Variants in CEP112 observed in about 807,000 individuals in gnomAD.
The protein encoded by CEP112 is centrosomal protein of 112 kDa.
Under a neutral mutation model 153.0 loss-of-function variants are expected in CEP112, and 127 were observed. The observed-to-expected ratio is 0.83, with a 90% CI of 0.72 to 0.96. The LOEUF (loss-of-function observed/expected upper bound fraction) is 0.96. CEP112 is among the 40% of genes least tolerant of loss of function. The pLI is 0.00. For synonymous variants in CEP112, 358 were observed against 374.4 expected, an observed-to-expected ratio of 0.96 and a Z score of 0.51; for missense variants, 1,089 against 1,101.2, an observed-to-expected ratio of 0.99 and a Z score of 0.16.
intron 19 of CEP112, among the ~76,000 whole-genome samples, chr17:65,911,571 G>C (rs1455522200): frequency 6.6e-6 from 1 of 151,982 alleles, no homozygotes; most frequent in East Asian, 1.9e-4. Flanking sequence ...GCTCACCCCT[G>C]TTATCTCAAC....
chr17:65,911,480 A>T (rs755960356), intron 19 of CEP112, among the ~76,000 whole-genome samples: 2 of 152,144 alleles, frequency 1.3e-5, no homozygotes, highest in Non-Finnish European at 2.9e-5. Flanking sequence ...AATTTCTAAC[A>T]TTCTAAAAAT....
At chr17:65,902,433 A>G in intron 19 of CEP112, 99 bp from the exon 20 acceptor site, 1 of 993,732 alleles carries the variant, frequency 1.0e-6, no homozygotes, top group Non-Finnish European at 1.4e-6. Context: ...TCCAAGTTGA[A>G]AATTTTTATT....
At chr17:65,842,574 C>A (rs1259944065) in intron 21 of CEP112, among the ~76,000 whole-genome samples, 1 of 152,128 alleles carries the variant, frequency 6.6e-6, no homozygotes, top group Non-Finnish European at 1.5e-5. Context: ...GGATGATAGA[C>A]CTTTGAACAT....
At chr17:66,010,642 A>C (rs1235457168) in intron 16 of CEP112, among the ~76,000 whole-genome samples, 1 of 152,078 alleles carries the variant, frequency 6.6e-6, no homozygotes, top group East Asian at 1.9e-4. Context: ...TTTAATGCCT[A>C]GTTTGTTGAG....
At chr17:65,881,577 C>G (rs12942205) in intron 20 of CEP112, among the ~76,000 whole-genome samples, 50,390 of 152,044 alleles carry the variant, frequency 0.33, 10,506 homozygotes, top group Non-Finnish European at 0.47. Context: ...AATCTTTTGT[C>G]AATTAACTAT....
At chr17:66,085,919 G>T (rs1172378613) in intron 8 of CEP112, among the ~76,000 whole-genome samples, 3 of 144,996 alleles carry the variant, frequency 2.1e-5, no homozygotes. Flanking sequence ...GGAGGTTGCG[G>T]TGAGCTGAAA....
intron 17 of CEP112, among the ~76,000 whole-genome samples, chr17:65,973,262 T>C (rs1879519762): frequency 6.6e-6 from 1 of 152,192 alleles, no homozygotes; most frequent in Admixed American, 6.5e-5. Context: ...CACAGTAGAC[T>C]TCATCAAAAT....
intron 22 of CEP112, 137 bp from the exon 23 acceptor site, chr17:65,743,354 C>T: frequency 1.6e-6 from 1 of 644,374 alleles, no homozygotes; most frequent in Non-Finnish European, 2.6e-6. Context: ...TAACATATCA[C>T]ACACTATAAT....
intron 21 of CEP112, among the ~76,000 whole-genome samples, chr17:65,810,408 A>T (rs2055878903): frequency 6.6e-6 from 1 of 152,050 alleles, no homozygotes; most frequent in Non-Finnish European, 1.5e-5. Context: ...AGTACAAAGA[A>T]TTGGGTGTGA....
At chr17:65,640,451 G>A (rs2045070577) in intron 25 of CEP112, among the ~76,000 whole-genome samples, 2 of 152,150 alleles carry the variant, frequency 1.3e-5, no homozygotes, top group African/African-American at 2.4e-5. Flanking sequence ...ACCATGCCCA[G>A]CCAAGAACCA....
Position 66,191,801 on chromosome 17 carries a change from CG to C in CEP112, c.-9+195del. Reference sequence around the variant, plus strand: ...CCGGCCTGGATCGCGCTCTGCCTGCCGGGGACACCACAGCGGGCAGCGCCGG... The same window carrying C: ...CCGGCCTGGATCGCGCTCTGCCTGCCGGGACACCACAGCGGGCAGCGCCGG... On this transcript the variant is annotated intron_variant, in intron 1 of 26. Transcript: ENST00000535342. This position sits in a 1 kb window ranked among gnomAD's most constrained non-coding sequence, Gnocchi z 4.2. 6.5e-6 allele frequency: 1 copy of C among 152,744 alleles called. No homozygotes were observed. Among genetic ancestry groups the C allele is most frequent in the Non-Finnish European group, 1.5e-5 (1 of 68,112 alleles). The allele number at this position is 152,744 out of a possible 1,614,324, so 9.5% of individuals were successfully genotyped here. A position where few individuals can be genotyped will look rare whatever the true frequency, so the allele number is the denominator to read the frequency against.
intron 18 of CEP112, among the ~76,000 whole-genome samples, chr17:65,955,196 T>C (rs1279710696): frequency 3.3e-5 from 5 of 151,962 alleles, no homozygotes; most frequent in Non-Finnish European, 7.4e-5. Flanking sequence ...TGGCAAGGAG[T>C]GGGGTCTTAT....
intron 4 of CEP112, among the ~76,000 whole-genome samples, chr17:66,145,873 T>C (rs2070895522): frequency 1.3e-5 from 2 of 152,098 alleles, no homozygotes; most frequent in South Asian, 4.1e-4. Flanking sequence ...TGGATGAGTG[T>C]TGCATCTTGT....
chr17:65,940,323 T>C (rs915990107), intron 18 of CEP112, among the ~76,000 whole-genome samples: 1 of 152,156 alleles, frequency 6.6e-6, no homozygotes, highest in East Asian at 1.9e-4. Context: ...AGAAAATGTA[T>C]AGAATTTCCT....
At chr17:66,001,188 C>T (rs900700517) in intron 17 of CEP112, among the ~76,000 whole-genome samples, 1 of 152,172 alleles carries the variant, frequency 6.6e-6, no homozygotes, top group Non-Finnish European at 1.5e-5. Flanking sequence ...ATGGCAGCAG[C>T]GGTGGCAGCA....
chr17:65,829,382 C>T (rs1298445894), intron 21 of CEP112, among the ~76,000 whole-genome samples: 1 of 152,076 alleles, frequency 6.6e-6, no homozygotes, highest in Non-Finnish European at 1.5e-5. Flanking sequence ...CCAGACCTGA[C>T]TCTCAACACA....
intron 19 of CEP112, among the ~76,000 whole-genome samples, chr17:65,921,600 G>T (rs1349204519): frequency 6.6e-6 from 1 of 152,004 alleles, no homozygotes; most frequent in Admixed American, 6.6e-5. Flanking sequence ...GATATAGAAA[G>T]AATAAAAACA....
chr17:66,096,563 G>A, intron 7 of CEP112, 22 bp downstream of exon 7: 1 of 1,543,808 alleles, frequency 6.5e-7, no homozygotes, highest in Non-Finnish European at 8.9e-7. Flanking sequence ...CCTAGAAAAA[G>A]TCCAATGGAT....
intron 24 of CEP112, chr17:65,655,368 G>T: frequency 6.4e-7 from 1 of 1,555,752 alleles, no homozygotes. Context: ...AGAAGACTAC[G>T]AAAGGAAGCT....
Sources: allele counts gnomAD v4.1 joint callset (sites outside exome capture counted in the v4.1 genomes callset), GRCh38; gene constraint gnomAD v4.1.1; non-coding constraint Gnocchi (gnomAD v3.1); transcripts MANE v1.5; gene names NCBI Gene and HGNC (gene_info 2026-07-23, HGNC 2026-07-21).